DENND1B: variants seen among roughly 807,000 people sequenced by gnomAD.
DENND1B encodes DENN domain containing 1B, also known as DENN domain-containing protein 1B.
DENND1B carries 59 observed loss-of-function variants against 90.1 expected under a neutral mutation model. The ratio of observed to expected loss-of-function variants is 0.65; its 90% CI spans 0.53 to 0.81. The LOEUF (loss-of-function observed/expected upper bound fraction) is 0.81. Among genes scored for constraint, DENND1B ranks in the 40% least tolerant of loss-of-function variants. The pLI, the probability that DENND1B is intolerant of heterozygous loss-of-function variation, is 0.00. For synonymous variants in DENND1B, 337 were observed against 324.6 expected (o/e 1.04, Z -0.41); for missense variants, 862 against 912.6 (o/e 0.94, Z 0.71).
At chr1:197,543,028 A>G (rs1670456925) in intron 18 of DENND1B, among the ~76,000 whole-genome samples, 1 of 151,872 alleles carries the variant, frequency 6.6e-6, no homozygotes, top group Non-Finnish European at 1.5e-5. Context: ...TCCACCTCCC[A>G]GGCTCCAGCA....
chr1:197,706,917 C>T (rs1005438095), intron 3 of DENND1B, among the ~76,000 whole-genome samples: 3 of 152,074 alleles, frequency 2.0e-5, no homozygotes, highest in African/African-American at 7.2e-5. Flanking sequence ...CCAGCAATCC[C>T]ACTACTGGGT....
intron 2 of DENND1B, among the ~76,000 whole-genome samples, chr1:197,758,453 T>C (rs1275799473): frequency 1.3e-5 from 2 of 152,228 alleles, no homozygotes; most frequent in Non-Finnish European, 2.9e-5. Context: ...CAAATAAAAG[T>C]TTCTATCTAC....
chr1:197,774,459 C>T (rs998334456), intron 1 of DENND1B: 1 of 152,084 alleles, frequency 6.6e-6, no homozygotes, highest in Non-Finnish European at 1.5e-5. Flanking sequence ...GAAACAAAAT[C>T]ACCACCGTTA....
intron 15 of DENND1B, among the ~76,000 whole-genome samples, chr1:197,579,166 A>G (rs1673968559): frequency 6.6e-6 from 1 of 152,180 alleles, no homozygotes; most frequent in Admixed American, 6.5e-5. Context: ...CAAAACCTAA[A>G]TTACTGTTTG....
intron 2 of DENND1B, among the ~76,000 whole-genome samples, chr1:197,736,278 A>G (rs532913051): frequency 6.6e-6 from 1 of 152,118 alleles, no homozygotes; most frequent in Non-Finnish European, 1.5e-5. Flanking sequence ...CAGAGATAAC[A>G]TAAGATCTAC....
chr1:197,595,286 AC>A lies in DENND1B; in HGVS notation c.968del (p.Gly323ValfsTer4). On this transcript the variant is annotated frameshift_variant, in exon 14 of 23. Transcript: ENST00000620048. LOFTEE classifies it high-confidence loss of function. ...NKLKKQSTAT[G>X]DGVARAFLRA... ...TAAGAAAGGCCCTAGCTACTCCATC[AC>A]CCGTAGCTGTAGACTGCTTCTTCAG... The A allele has an allele frequency of 1.2e-6, 2 of 1,613,148 alleles. No individual in the cohort carries two copies. The highest frequency in any genetic ancestry group is 1.1e-5 in the South Asian group (1 of 91,048).
At chr1:197,538,996 C>T (rs936646443) in intron 20 of DENND1B, among the ~76,000 whole-genome samples, 6 of 152,136 alleles carry the variant, frequency 3.9e-5, no homozygotes, top group African/African-American at 7.2e-5. Context: ...TCCAGCCTCC[C>T]GAACTGTGAG....
chr1:197,581,640 C>T (rs1258737714), intron 15 of DENND1B, among the ~76,000 whole-genome samples: 1 of 152,098 alleles, frequency 6.6e-6, no homozygotes, highest in Non-Finnish European at 1.5e-5. Context: ...AGTCAAAATG[C>T]AACCCAACTA....
chr1:197,574,703 T>C (rs984650462), intron 15 of DENND1B, among the ~76,000 whole-genome samples: 2 of 152,178 alleles, frequency 1.3e-5, no homozygotes, highest in Non-Finnish European at 2.9e-5. Flanking sequence ...ACTACAAGGC[T>C]ACAGTAACCA....
intron 2 of DENND1B, among the ~76,000 whole-genome samples, chr1:197,729,347 A>T (rs1190183649): frequency 1.3e-5 from 2 of 152,144 alleles, no homozygotes; most frequent in Non-Finnish European, 2.9e-5. Flanking sequence ...ATTCCCTATC[A>T]TATCAATTTT....
intron 2 of DENND1B, among the ~76,000 whole-genome samples, chr1:197,726,451 G>A (rs993177092): frequency 3.3e-5 from 5 of 152,164 alleles, no homozygotes; most frequent in Non-Finnish European, 5.9e-5. Context: ...GGAGCCAAGT[G>A]CAGCAATAAT....
intron 12 of DENND1B, among the ~76,000 whole-genome samples, chr1:197,609,702 T>TAAAA (rs11407728): frequency 1.4e-5 from 2 of 146,274 alleles, no homozygotes; most frequent in African/African-American, 5.0e-5. Context: ...TTTTCGCCAT[T>TAAAA]AAAAAAAAAA....
chr1:197,518,534 T>C (rs1668557540), intron 20 of DENND1B, among the ~76,000 whole-genome samples: 1 of 151,924 alleles, frequency 6.6e-6, no homozygotes, highest in Admixed American at 6.6e-5. Flanking sequence ...AATTTACAGA[T>C]GTTTCAGGTA....
chr1:197,513,887 T>A (rs556244029), intron 20 of DENND1B, among the ~76,000 whole-genome samples: 1 of 151,736 alleles, frequency 6.6e-6, no homozygotes, highest in East Asian at 2.0e-4. Context: ...TTCCTATAAA[T>A]TGGTAGCTAC....
intron 2 of DENND1B, among the ~76,000 whole-genome samples, chr1:197,752,840 G>A (rs1457190653): frequency 6.6e-6 from 1 of 151,836 alleles, no homozygotes; most frequent in Non-Finnish European, 1.5e-5. Flanking sequence ...CTGTGTCCAA[G>A]TGTTCTCATT....
At chr1:197,729,834 C>T (rs1286944319) in intron 2 of DENND1B, among the ~76,000 whole-genome samples, 1 of 152,052 alleles carries the variant, frequency 6.6e-6, no homozygotes, top group Non-Finnish European at 1.5e-5. Context: ...AAAATCAAAA[C>T]TTAAAAATTA....
At chr1:197,716,043 A>G (rs1189309481) in intron 2 of DENND1B, among the ~76,000 whole-genome samples, 3 of 151,854 alleles carry the variant, frequency 2.0e-5, no homozygotes, top group Non-Finnish European at 2.9e-5. Flanking sequence ...GGACTTGTGG[A>G]TCAAAGATAA....
intron 14 of DENND1B, among the ~76,000 whole-genome samples, chr1:197,589,920 TGA>T (rs1259653738): frequency 9.8e-5 from 15 of 152,308 alleles, no homozygotes; most frequent in African/African-American, 3.6e-4. Context: ...AGTATGTCTT[TGA>T]ATATACTAAA....
At chr1:197,664,561 A>G (rs1202660137) in intron 5 of DENND1B, among the ~76,000 whole-genome samples, 3 of 152,114 alleles carry the variant, frequency 2.0e-5, no homozygotes, top group Non-Finnish European at 4.4e-5. Flanking sequence ...TACTTCCACT[A>G]TAGAGCTGAT....
Sources: gnomAD v4.1 joint callset for allele counts (sites outside exome capture counted in the v4.1 genomes callset) on GRCh38, gnomAD v4.1.1 for gene constraint, MANE v1.5 for transcripts, NCBI Gene and HGNC (gene_info 2026-07-23, HGNC 2026-07-21) for gene names.